Variants in RGPD3 observed in about 807,000 individuals in gnomAD.
The protein encoded by RGPD3 is ranBP2-like and GRIP domain-containing protein 3.
Under a neutral mutation model 154.5 loss-of-function variants are expected in RGPD3, and 62 were observed. The observed-to-expected ratio is 0.40, with a 90% CI of 0.33 to 0.50. RGPD3 has a LOEUF of 0.50. RGPD3 is among the 20% of genes least tolerant of loss of function. The pLI is 0.59. For missense variants in RGPD3, 919 were observed against 1,716.8 expected, an observed-to-expected ratio of 0.54 and a Z score of 8.21; for synonymous variants, 308 against 607.0, an observed-to-expected ratio of 0.51 and a Z score of 7.24.
intron 17 of RGPD3, among the ~76,000 whole-genome samples, chr2:106,430,208 A>G (rs1172155868): frequency 2.0e-5 from 3 of 151,044 alleles, no homozygotes; most frequent in African/African-American, 7.3e-5. Context: ...GAAAGTTTCT[A>G]TTTGCCAATG....
chr2:106,406,827 T>G lies in RGPD3; in HGVS notation c.5267-1598A>C, dbSNP rs370244309. Among the ~76,000 whole-genome samples, 8 of 152,352 alleles carry G rather than the reference T, an allele frequency of 5.3e-5. 1 individual carries two copies. The East Asian group carries it at 1.5e-3, about 29-fold the overall frequency. ...CTGTGTTTTCATACGTATATATGTA[T>G]GACAGTTTGACCTTAGGCAGAGTAG... On this transcript the variant is annotated intron_variant, in intron 22 of 22. Coordinates refer to ENST00000409886, the MANE Select transcript of RGPD3 (RefSeq NM_001144013.2).
At chr2:106,428,704 G>A (rs576012233) in intron 18 of RGPD3, among the ~76,000 whole-genome samples, 11 of 151,754 alleles carry the variant, frequency 7.2e-5, no homozygotes, top group Middle Eastern at 3.4e-3. Context: ...AGAAAAAAAA[G>A]GGCACTACTA....
Position 106,457,068 on chromosome 2 carries a change from A to T in RGPD3, c.308T>A (p.Leu103Ter), listed in dbSNP as rs1166364761. Residue 103 changes from leucine to a stop codon, truncating the protein, a stop_gained, in exon 4 of 23, where the codon TTG becomes TAG. Transcript: ENST00000409886. LOFTEE classifies it high-confidence loss of function. ...ATCAGTAACATCATTTTTACAAAGC[A>T]ATTCTGCAATCTTCAACACAAGATC... ...QKDLVLKIAE[L>*]LCKNDVTDGR... is the part of the protein sequence containing the mutation. 3 of 1,611,532 alleles carry T rather than the reference A, an allele frequency of 1.9e-6. No homozygotes were observed. Among genetic ancestry groups the T allele is most frequent in the Non-Finnish European group, 1.7e-6 (2 of 1,179,636 alleles).
At position 106,468,226 on chromosome 2, in the gene RGPD3, C is replaced by T. The variant is rs749219712; in HGVS notation, c.63G>A (p.Ser21=). ...TTCCAGACCCACTCACCTTTCGAGG[C>T]GACGGGGCGGAGCCCTGCACCGAGG... ...YVASVQGSAP[S]PRKKSTRGFY... Residue 21 remains serine, a synonymous_variant, in exon 1 of 23, where the codon TCG becomes TCA. Transcript: ENST00000409886. The T allele has an allele frequency of 8.7e-6, 14 of 1,605,798 alleles. No homozygotes were observed. The African/African-American group carries it at 1.1e-4, about 12-fold the overall frequency.
At chr2:106,468,142 G>T in intron 1 of RGPD3, 75 bp downstream of exon 1, 1 of 1,517,978 alleles carries the variant, frequency 6.6e-7, no homozygotes, top group Non-Finnish European at 8.9e-7. Flanking sequence ...CTGAGCCATC[G>T]AGGCCGCCGC....
rs1178958013 is a variant in RGPD3, at chr2:106,424,818, A to G, written c.3149T>C (p.Leu1050Pro). ...TTTTTCACCTTCTTCTCCTGTTACA[A>G]GTTCTACTTTTTCAGGCATTTGAAC... ...PVVQMPEKVE[L>P]VTGEEGEKVL... is the part of the protein sequence containing the mutation. Residue 1050 changes from leucine to proline, a missense_variant, in exon 20 of 23, where the codon CTT (leucine) becomes CCT (proline). Leu to Pro is a moderately conservative substitution (Grantham distance 98). Transcript: ENST00000409886. 8 of 1,611,632 alleles carry G rather than the reference A, an allele frequency of 5.0e-6. No homozygotes were observed. In the East Asian group the frequency reaches 1.8e-4, roughly 36 times the overall value.
chr2:106,465,631 A>G (rs1678549063), intron 1 of RGPD3, among the ~76,000 whole-genome samples: 1 of 151,322 alleles, frequency 6.6e-6, no homozygotes, highest in Non-Finnish European at 1.5e-5. Flanking sequence ...CTGTAATCTC[A>G]GCATTATTTA....
At chr2:106,418,404 T>C (rs1270808181) in intron 20 of RGPD3, among the ~76,000 whole-genome samples, 7 of 151,532 alleles carry the variant, frequency 4.6e-5, no homozygotes, top group African/African-American at 1.7e-4. Flanking sequence ...GAAATCTGCT[T>C]GGTAGACATC....
intron 21 of RGPD3, among the ~76,000 whole-genome samples, chr2:106,414,050 C>T (rs959041658): frequency 2.8e-4 from 42 of 152,086 alleles, no homozygotes; most frequent in Admixed American, 9.2e-4. Flanking sequence ...CCACAGTGAA[C>T]GGCACTTAAT....
At chr2:106,405,973 AT>A (rs1252737633) in intron 22 of RGPD3, among the ~76,000 whole-genome samples, 1 of 148,108 alleles carries the variant, frequency 6.8e-6, no homozygotes, top group African/African-American at 2.5e-5. Flanking sequence ...GTTCTTGAAC[AT>A]TATTTATTGT....
intron 6 of RGPD3, among the ~76,000 whole-genome samples, chr2:106,451,131 A>G (rs1386198069): frequency 6.6e-6 from 1 of 150,544 alleles, no homozygotes; most frequent in Non-Finnish European, 1.5e-5. Flanking sequence ...AAAGAAAGAA[A>G]GGAACCCACA....
intron 21 of RGPD3, among the ~76,000 whole-genome samples, chr2:106,414,779 A>G (rs1676773655): frequency 6.6e-6 from 1 of 150,640 alleles, no homozygotes; most frequent in African/African-American, 2.4e-5. Context: ...GATATATACA[A>G]TTTACTGAAA....
Position 106,441,449 on chromosome 2 carries a change from C to G in RGPD3, c.979-69G>C. 3.4e-6 allele frequency: 3 copies of G among 879,396 alleles called. No homozygotes were observed. In the South Asian group the frequency reaches 5.5e-5, roughly 16 times the overall value. The allele number at this position is 879,396 out of a possible 1,614,324, so 54.5% of individuals were successfully genotyped here. On this transcript the variant is annotated intron_variant, in intron 7 of 22. Coordinates refer to ENST00000409886, the MANE Select transcript of RGPD3 (RefSeq NM_001144013.2). Reference sequence around the variant, plus strand: ...ACTTCTAATAGTAACATGGTCTTATCTATTACACTGTACTTTTTTTGATAA... The same window carrying G: ...ACTTCTAATAGTAACATGGTCTTATGTATTACACTGTACTTTTTTTGATAA...
At chr2:106,405,365 G>A (rs1397181104) in intron 22 of RGPD3, 136 bp from the exon 23 acceptor site, 2 of 951,802 alleles carry the variant, frequency 2.1e-6, no homozygotes, top group African/African-American at 3.7e-5. Flanking sequence ...TTTGTTGGGT[G>A]GGGGGGGTTC....
intron 21 of RGPD3, among the ~76,000 whole-genome samples, chr2:106,414,553 C>T (rs868151440): frequency 2.0e-5 from 3 of 149,020 alleles, no homozygotes; most frequent in South Asian, 2.2e-4. Context: ...ACCTGGGAGG[C>T]GGAGATTGCA....
Position 106,432,960 on chromosome 2 carries a change from A to C in RGPD3, c.2444T>G (p.Ile815Ser). The change falls in exon 17 of 23, where the codon ATT becomes AGT. Residue 815 changes from isoleucine to serine, a missense_variant. Ile to Ser is a moderately radical substitution (Grantham distance 142). Coordinates refer to ENST00000409886, the MANE Select transcript of RGPD3 (RefSeq NM_001144013.2). ...CTTAATGGCCTTTACTTCTTGGCGA[A>C]TCATTTTCAGTAAAGAATTCTGATC... ...AEDQNSLLKM[I>S]RQEVKAIKEE... The C allele has an allele frequency of 6.2e-7, 1 of 1,602,656 alleles. No individual in the cohort carries two copies. The highest frequency in any genetic ancestry group is 8.5e-7 in the Non-Finnish European group (1 of 1,177,828).
At chr2:106,412,337 G>A (rs1676701252) in intron 22 of RGPD3, among the ~76,000 whole-genome samples, 1 of 83,310 alleles carries the variant, frequency 1.2e-5, no homozygotes, top group South Asian at 4.9e-4. Flanking sequence ...TTTTTGAGAT[G>A]GAGTCTCGCT....
At chr2:106,421,415 G>C (rs1676982397) in intron 20 of RGPD3, among the ~76,000 whole-genome samples, 1 of 151,700 alleles carries the variant, frequency 6.6e-6, no homozygotes, top group Non-Finnish European at 1.5e-5. Context: ...AAGATTAAGA[G>C]CTACCTTAGC....
chr2:106,469,520 C>A (rs764054492), upstream of RGPD3, among the ~76,000 whole-genome samples: 178 of 152,288 alleles, frequency 1.2e-3, no homozygotes, highest in Middle Eastern at 3.4e-3. Flanking sequence ...TTATCAAATA[C>A]AACTGATAGC....
Sources: gnomAD v4.1 joint callset for allele counts (sites outside exome capture counted in the v4.1 genomes callset) on GRCh38, gnomAD v4.1.1 for gene constraint, MANE v1.5 for transcripts, NCBI Gene and HGNC (gene_info 2026-07-23, HGNC 2026-07-21) for gene names.